Variants in HUWE1 observed in about 807,000 individuals in gnomAD.
HUWE1 encodes the protein E3 ubiquitin-protein ligase HUWE1.
In HUWE1, 18 loss-of-function variants were observed where a neutral mutation model predicts 299.4. That is an observed-to-expected ratio of 0.06 (90% CI 0.04 to 0.09). HUWE1 has a LOEUF of 0.09. HUWE1 is among the 10% of genes least tolerant of loss of function. The pLI, the probability that HUWE1 is intolerant of heterozygous loss-of-function variation, is 1.00. For missense variants in HUWE1, 1,832 were observed against 3,462.3 expected (o/e 0.53, Z 11.82); for synonymous variants, 1,317 against 1,286.1 (o/e 1.02, Z -0.51).
At chrX:53,634,987 G>A (rs1227987524) in intron 7 of HUWE1, among the ~76,000 whole-genome samples, 1 of 110,827 alleles carries the variant, frequency 9.0e-6, no homozygotes, top group African/African-American at 3.3e-5. Context: ...GAGCATTAAC[G>A]TATTTTTATT....
At chrX:53,606,059 G>T (rs1191381940) in intron 25 of HUWE1, among the ~76,000 whole-genome samples, 1 of 111,581 alleles carries the variant, frequency 9.0e-6, no homozygotes, top group Non-Finnish European at 1.9e-5. Context: ...TTGTGGACAC[G>T]ACACCAAAAA....
At chrX:53,661,687 T>C (rs1279075383) in intron 3 of HUWE1, among the ~76,000 whole-genome samples, 1 of 112,595 alleles carries the variant, frequency 8.9e-6, no homozygotes, top group Non-Finnish European at 1.9e-5. Flanking sequence ...CTATATATAA[T>C]AAACATTGCT....
chrX:53,628,078 C>G (rs2066633395), intron 15 of HUWE1, among the ~76,000 whole-genome samples, 199 bp from the exon 16 acceptor site: 1 of 111,229 alleles, frequency 9.0e-6, no homozygotes, highest in South Asian at 3.8e-4. Context: ...ATGGGGACAT[C>G]AATTACTTTG....
At chrX:53,658,573 G>A (rs913838835) in intron 3 of HUWE1, among the ~76,000 whole-genome samples, 2 of 111,306 alleles carry the variant, frequency 1.8e-5, no homozygotes, top group Non-Finnish European at 3.8e-5. Flanking sequence ...ATTGTCAACC[G>A]ATGATCTTTG....
At position 53,544,780 on chromosome X, in the gene HUWE1, G is replaced by A. The variant is rs1556921263; in HGVS notation, c.11049-18C>T. ...TGTCAAACCTGGATAGTGTAGAGGTGGCTTGCGTATATTGACAGCATCAAA... is the reference window on the plus strand; with the variant it reads ...TGTCAAACCTGGATAGTGTAGAGGTAGCTTGCGTATATTGACAGCATCAAA... On this transcript the variant is annotated intron_variant, in intron 71 of 83. Transcript: ENST00000262854. 2 of 1,155,286 alleles carry A rather than the reference G, an allele frequency of 1.7e-6. No homozygotes were observed. Among genetic ancestry groups the A allele is most frequent in the South Asian group, 3.6e-5 (2 of 55,765 alleles).
intron 17 of HUWE1, among the ~76,000 whole-genome samples, chrX:53,627,168 C>T (rs781826916): frequency 9.0e-6 from 1 of 111,436 alleles, no homozygotes; most frequent in African/African-American, 3.3e-5. Flanking sequence ...CAGATTAACA[C>T]CACAGCTATA....
At chrX:53,619,898 A>G (rs1276237303) in intron 19 of HUWE1, among the ~76,000 whole-genome samples, 1 of 112,159 alleles carries the variant, frequency 8.9e-6, no homozygotes, top group Non-Finnish European at 1.9e-5. Flanking sequence ...GCCCTACTCA[A>G]ACCCTAGCCT....
At chrX:53,606,721 G>A (rs961369206) in intron 25 of HUWE1, among the ~76,000 whole-genome samples, 28 of 111,453 alleles carry the variant, frequency 2.5e-4, no homozygotes, top group African/African-American at 8.1e-4. Flanking sequence ...GAAAAAAGCC[G>A]GTCGCACATA....
At chrX:53,629,425 A>C in intron 13 of HUWE1, 91 bp downstream of exon 13, 2 of 551,752 alleles carry the variant, frequency 3.6e-6, no homozygotes, top group Non-Finnish European at 6.5e-6. Flanking sequence ...ATATGCAAAT[A>C]TCCCCTCCCC....
At position 53,617,134 on chromosome X, in the gene HUWE1, C is replaced by T; in HGVS notation, c.1793G>A (p.Arg598His). Residue 598 changes from arginine to histidine, a missense_variant, in exon 21 of 84, where the codon CGT becomes CAT. Arg to His is a conservative substitution (Grantham distance 29). Coordinates refer to ENST00000262854, the MANE Select transcript of HUWE1 (RefSeq NM_031407.7). ...ATTTGGGAGGGAGCCAAGGACTTCA[C>T]GGGTAGCAGGAACCTAAAGAGAAAA... is the stretch of plus-strand genomic sequence containing the variant. Reference protein sequence around the residue: ...ALLIKDVPATREVLGSLPNVF... With the variant: ...ALLIKDVPATHEVLGSLPNVF... 1 of 1,208,776 alleles carries T rather than the reference C, an allele frequency of 8.3e-7. No individual in the cohort carries two copies. The highest frequency in any genetic ancestry group is 1.1e-6 in the Non-Finnish European group (1 of 893,446).
intron 39 of HUWE1, among the ~76,000 whole-genome samples, 198 bp from the exon 40 acceptor site, chrX:53,585,386 C>T (rs1181779473): frequency 1.8e-5 from 2 of 112,515 alleles, no homozygotes; most frequent in Non-Finnish European, 3.8e-5. Flanking sequence ...CGCTTAAAAA[C>T]ATGTCTTCTA....
chrX:53,593,836 C>T (rs1355529195), intron 31 of HUWE1, among the ~76,000 whole-genome samples: 5 of 112,226 alleles, frequency 4.5e-5, no homozygotes, highest in African/African-American at 9.7e-5. Flanking sequence ...CGGTGGCTCA[C>T]GCCTGTAATC....
chrX:53,640,386 A>C (rs782333595), intron 7 of HUWE1, among the ~76,000 whole-genome samples: 1 of 111,760 alleles, frequency 8.9e-6, no homozygotes, highest in Non-Finnish European at 1.9e-5. Flanking sequence ...TAAATAAAAG[A>C]AGCCCACATG....
intron 60 of HUWE1, chrX:53,556,269 T>C (rs782643468): frequency 2.9e-6 from 1 of 347,084 alleles, no homozygotes; most frequent in East Asian, 8.9e-5. Flanking sequence ...ATAGTTATCT[T>C]CTAATTGGGG....
chrX:53,647,303 T>G, intron 6 of HUWE1, 65 bp downstream of exon 6: 1 of 788,918 alleles, frequency 1.3e-6, no homozygotes, highest in African/African-American at 2.0e-5. Flanking sequence ...AATAGCAATT[T>G]CCTTATTTCT....
chrX:53,685,700 T>C (rs1225032883), intron 2 of HUWE1, among the ~76,000 whole-genome samples: 1 of 111,900 alleles, frequency 8.9e-6, no homozygotes, highest in Non-Finnish European at 1.9e-5. Context: ...AAATAGGCAC[T>C]CTCGCACAAC....
chrX:53,647,759 T>C, intron 5 of HUWE1, among the ~76,000 whole-genome samples, 185 bp from the exon 6 acceptor site: 1 of 111,515 alleles, frequency 9.0e-6, no homozygotes, highest in Non-Finnish European at 1.9e-5. Flanking sequence ...GTCATACCCA[T>C]CTAGATATAT....
At position 53,676,030 on chromosome X, in the gene HUWE1, C is replaced by T. The variant is rs782092790; in HGVS notation, c.-25+4019G>A. ...TATGGAACATTCAGTTATCACTGGC[C>T]AAAGTCTCAGACCCAAAATAACTCA... On this transcript the variant is annotated intron_variant, in intron 3 of 83. Transcript: ENST00000262854. Among the ~76,000 whole-genome samples the T allele has an allele frequency of 5.2e-4, 58 of 111,093 alleles. 1 individual carries two copies. The highest frequency in any genetic ancestry group is 4.9e-3 in the Admixed American group (51 of 10,511).
At chrX:53,574,782 G>A (rs1222360890) in intron 46 of HUWE1, among the ~76,000 whole-genome samples, 1 of 111,943 alleles carries the variant, frequency 8.9e-6, no homozygotes, top group Non-Finnish European at 1.9e-5. Flanking sequence ...TAGTCAATGG[G>A]CTCTGTTAAC....
Sources: allele counts gnomAD v4.1 joint callset (sites outside exome capture counted in the v4.1 genomes callset), GRCh38; gene constraint gnomAD v4.1.1; transcripts MANE v1.5; gene names NCBI Gene and HGNC (gene_info 2026-07-23, HGNC 2026-07-21).